The following PLOD2 variants were observed in gnomAD, a reference collection of about 807,000 sequenced individuals.
PLOD2 encodes the protein lysine hydroxylase 2.
A neutral mutation model predicts 101.0 loss-of-function variants in PLOD2; 65 were observed. That is an observed-to-expected ratio of 0.64 (90% CI 0.53 to 0.79). The LOEUF (loss-of-function observed/expected upper bound fraction) is 0.79. PLOD2 is among the 30% of genes least tolerant of loss of function. PLOD2 has a pLI of 0.00. For synonymous variants in PLOD2, 314 were observed against 302.9 expected, an observed-to-expected ratio of 1.04 and a Z score of -0.38; for missense variants, 909 against 914.6, an observed-to-expected ratio of 0.99 and a Z score of 0.08.
intron 3 of PLOD2, among the ~76,000 whole-genome samples, chr3:146,119,771 CTCA>C (rs1292566302): frequency 6.6e-6 from 1 of 152,108 alleles, no homozygotes; most frequent in Non-Finnish European, 1.5e-5. Context: ...AGGACATGAA[CTCA>C]TCATTTTTTA....
At chr3:146,101,315 T>C (rs945197881) in intron 7 of PLOD2, among the ~76,000 whole-genome samples, 1 of 152,168 alleles carries the variant, frequency 6.6e-6, no homozygotes, top group Non-Finnish European at 1.5e-5. Flanking sequence ...GAACATTTAC[T>C]AAAACAGTAA....
chr3:146,085,427 ATT>A (rs1415067605), intron 10 of PLOD2, 154 bp from the exon 11 acceptor site: 2 of 603,946 alleles, frequency 3.3e-6, no homozygotes, highest in African/African-American at 3.8e-5. Flanking sequence ...CGATATATAT[ATT>A]GTCTTAAATT....
chr3:146,085,431 TC>T, intron 10 of PLOD2, 158 bp from the exon 11 acceptor site: 1 of 603,682 alleles, frequency 1.7e-6, no homozygotes. Flanking sequence ...ATATATATTG[TC>T]TTAAATTTCA....
At chr3:146,123,609 G>A (rs1576612719) in intron 2 of PLOD2, among the ~76,000 whole-genome samples, 1 of 151,950 alleles carries the variant, frequency 6.6e-6, no homozygotes, top group Middle Eastern at 3.4e-3. Flanking sequence ...TGCAAACAAA[G>A]AATCATCCTA....
At chr3:146,132,875 T>G (rs999521022) in intron 1 of PLOD2, among the ~76,000 whole-genome samples, 7 of 152,162 alleles carry the variant, frequency 4.6e-5, no homozygotes, top group Admixed American at 6.5e-5. Context: ...AGACAAAGAT[T>G]TGAATTTTAA....
intron 4 of PLOD2, among the ~76,000 whole-genome samples, chr3:146,106,975 A>G (rs1435258898): frequency 6.6e-6 from 1 of 152,252 alleles, no homozygotes; most frequent in East Asian, 1.9e-4. Context: ...GGAAAAGAAT[A>G]GACTGAGACA....
intron 6 of PLOD2, among the ~76,000 whole-genome samples, chr3:146,103,338 T>C (rs1452078242): frequency 6.6e-6 from 1 of 152,170 alleles, no homozygotes; most frequent in Non-Finnish European, 1.5e-5. Context: ...AATGATAATA[T>C]TTCCAGTTCT....
intron 1 of PLOD2, among the ~76,000 whole-genome samples, chr3:146,154,097 C>G (rs2108145989): frequency 6.6e-6 from 1 of 152,282 alleles, no homozygotes; most frequent in East Asian, 1.9e-4. Context: ...AATTTCAACT[C>G]TGGCCCATTT....
At chr3:146,123,746 T>C (rs898570899) in intron 2 of PLOD2, among the ~76,000 whole-genome samples, 3 of 109,734 alleles carry the variant, frequency 2.7e-5, no homozygotes, top group South Asian at 5.5e-4. Flanking sequence ...CAAATACATA[T>C]TAACTTTTTT....
intron 1 of PLOD2, among the ~76,000 whole-genome samples, chr3:146,149,926 T>C (rs1009705448): frequency 2.3e-4 from 35 of 151,838 alleles, no homozygotes; most frequent in African/African-American, 8.5e-4. Flanking sequence ...GTAGGAAAAA[T>C]AGCCAGAAAA....
intron 4 of PLOD2, among the ~76,000 whole-genome samples, chr3:146,107,923 C>T (rs953869459): frequency 2.0e-5 from 3 of 151,784 alleles, no homozygotes; most frequent in Admixed American, 6.6e-5. Flanking sequence ...AGATTAGAGG[C>T]GTGAGCCACC....
intron 11 of PLOD2, among the ~76,000 whole-genome samples, chr3:146,083,423 T>C (rs189217979): frequency 3.3e-5 from 5 of 152,278 alleles, no homozygotes; most frequent in African/African-American, 1.2e-4. Context: ...CATATGTCAA[T>C]AGACTATAGA....
Position 146,106,673 on chromosome 3 carries a change from A to C in PLOD2, c.503-29T>G, listed in dbSNP as rs202154879. On this transcript the variant is annotated intron_variant, in intron 4 of 19. Transcript: ENST00000282903. ...CAACACAGCAGAGAGAAAGTAGATA[A>C]TTTAGGATTCAAAGACCAAAACTGG... is the stretch of plus-strand genomic sequence containing the variant. 5.1e-6 allele frequency: 6 copies of C among 1,170,798 alleles called. No individual in the cohort carries two copies. In the East Asian group the frequency reaches 1.2e-4, roughly 23 times the overall value. The allele number at this position is 1,170,798 out of a possible 1,614,324, so 72.5% of individuals were successfully genotyped here.
At chr3:146,118,605 C>A (rs1360429982) in intron 3 of PLOD2, among the ~76,000 whole-genome samples, 1 of 151,688 alleles carries the variant, frequency 6.6e-6, no homozygotes, top group African/African-American at 2.4e-5. Flanking sequence ...ATAACAAAAA[C>A]AAATAAGACA....
chr3:146,104,426 G>A, intron 5 of PLOD2, 84 bp from the exon 6 acceptor site: 2 of 772,676 alleles, frequency 2.6e-6, no homozygotes, highest in Admixed American at 1.9e-5. Flanking sequence ...TTTGTTCTTT[G>A]AGGGAATTTA....
intron 1 of PLOD2, among the ~76,000 whole-genome samples, chr3:146,136,716 C>A (rs548404448): frequency 6.6e-6 from 1 of 152,186 alleles, no homozygotes; most frequent in South Asian, 2.1e-4. Flanking sequence ...TTTAGATACA[C>A]AAATACCATT....
intron 3 of PLOD2, among the ~76,000 whole-genome samples, chr3:146,118,898 C>G (rs1938045731): frequency 1.3e-5 from 2 of 152,260 alleles, no homozygotes; most frequent in South Asian, 4.1e-4. Flanking sequence ...TTATTCTTAA[C>G]TCAAGACTAA....
At chr3:146,157,904 A>G (rs1236876874) in intron 1 of PLOD2, among the ~76,000 whole-genome samples, 1 of 152,238 alleles carries the variant, frequency 6.6e-6, no homozygotes, top group East Asian at 1.9e-4. Flanking sequence ...ATCAGTAGAT[A>G]GGGACAAACC....
intron 15 of PLOD2, among the ~76,000 whole-genome samples, chr3:146,074,520 TTAA>T (rs1489247483): frequency 1.3e-5 from 2 of 151,492 alleles, no homozygotes; most frequent in East Asian, 1.9e-4. Context: ...CTTCAAAATT[TTAA>T]TAAATTTCAT....
Sources: allele counts gnomAD v4.1 joint callset (sites outside exome capture counted in the v4.1 genomes callset), GRCh38; gene constraint gnomAD v4.1.1; transcripts MANE v1.5; gene names NCBI Gene and HGNC (gene_info 2026-07-23, HGNC 2026-07-21).